KIAA1671: variants seen among roughly 807,000 people sequenced by gnomAD.
KIAA1671 encodes uncharacterized protein KIAA1671.
A neutral mutation model predicts 131.2 loss-of-function variants in KIAA1671; 52 were observed. The observed-to-expected ratio is 0.40, with a 90% confidence interval of 0.32 to 0.50. The LOEUF (loss-of-function observed/expected upper bound fraction) is 0.50, where lower values mean the gene tolerates loss of function less well. Among genes scored for constraint, KIAA1671 ranks in the 20% least tolerant of loss-of-function variants. The probability of loss-of-function intolerance (pLI) is 0.73; values close to 1 mark genes in which losing one functional copy is unlikely to be tolerated. For missense variants in KIAA1671, 2,360 were observed against 2,364.2 expected (o/e 1.00, Z 0.04); for synonymous variants, 1,003 against 961.6 (o/e 1.04, Z -0.80).
chr22:24,954,524 C>T (rs1921587491), intron 1 of KIAA1671, among the ~76,000 whole-genome samples: 1 of 152,210 alleles, frequency 6.6e-6, no homozygotes, highest in African/African-American at 2.4e-5. Flanking sequence ...GGCACATGAA[C>T]TGGCTGGCTC....
At chr22:25,042,530 G>C (rs1332169237) in intron 5 of KIAA1671, among the ~76,000 whole-genome samples, 4 of 138,408 alleles carry the variant, frequency 2.9e-5, no homozygotes, top group Non-Finnish European at 6.1e-5. Flanking sequence ...ACAATGGTGT[G>C]ATCTTGGCTC....
chr22:24,996,948 C>T (rs1924171782), intron 1 of KIAA1671, among the ~76,000 whole-genome samples: 1 of 152,276 alleles, frequency 6.6e-6, no homozygotes, highest in East Asian at 1.9e-4. Flanking sequence ...CCTTAATTGG[C>T]TGTGTGACCT....
intron 1 of KIAA1671, among the ~76,000 whole-genome samples, chr22:24,988,954 G>A (rs1372938693): frequency 6.6e-6 from 1 of 152,156 alleles, no homozygotes; most frequent in Non-Finnish European, 1.5e-5. Flanking sequence ...CCAAGGTCAT[G>A]CAACTAGTGA....
At chr22:25,140,865 G>C (rs961406859) in intron 6 of KIAA1671, among the ~76,000 whole-genome samples, 2 of 152,232 alleles carry the variant, frequency 1.3e-5, no homozygotes, top group African/African-American at 4.8e-5. Context: ...CTGTCATCAT[G>C]AATGGTTATT....
chr22:25,107,165 G>A lies in KIAA1671; in HGVS notation c.4530+57801G>A, dbSNP rs894621590. ...TGATTCCAGCACTTTGGGAGGCGGA[G>A]GGGGGCAGATCACGAGATCAGGAGA... On this transcript the variant is annotated intron_variant, in intron 6 of 12. Transcript: ENST00000358431. 3.3e-5 allele frequency among the ~76,000 whole-genome samples: 5 copies of A among 152,124 alleles called. No individual in the cohort carries two copies. In the South Asian group the frequency reaches 1.0e-3, roughly 32 times the overall value.
chr22:25,105,817 G>GTT (rs1555879095), intron 6 of KIAA1671, among the ~76,000 whole-genome samples: 4 of 48,606 alleles, frequency 8.2e-5, no homozygotes, highest in Non-Finnish European at 2.0e-4. Context: ...CAGGTATGAA[G>GTT]TTGGGGGGGG....
Position 25,174,423 on chromosome 22 carries a change from G to C in KIAA1671, c.4833G>C (p.Gly1611=). ...GCACTGACCTGGAATCCACCGATGG[G>C]ATGGAGGGGCCGCCTCCACCGGACG... The part of the protein sequence containing the change: ...HSSTDLESTD[G]MEGPPPPDAC... The change falls in exon 8 of 13, where the codon GGG becomes GGC. Residue 1611 remains glycine (G), a synonymous_variant. Transcript: ENST00000358431. 1 of 1,549,542 alleles carries C rather than the reference G, an allele frequency of 6.5e-7. No individual in the cohort carries two copies. Among genetic ancestry groups the C allele is most frequent in the Admixed American group, 2.0e-5 (1 of 50,928 alleles).
chr22:25,022,831 C>T lies in KIAA1671; in HGVS notation c.-207-2802C>T, dbSNP rs765853796. Reference sequence around the variant, plus strand: ...CATACATATGAAACTAGAGGTGGCTCAGACTTGGTTTCCCTTCTTTCTCTG... The same window carrying T: ...CATACATATGAAACTAGAGGTGGCTTAGACTTGGTTTCCCTTCTTTCTCTG... On this transcript the variant is annotated intron_variant, in intron 1 of 12. Coordinates refer to ENST00000358431, the MANE Select transcript of KIAA1671 (RefSeq NM_001145206.2). 790 of 152,552 alleles carry T rather than the reference C, an allele frequency of 5.2e-3. 1 individual carries two copies. Among genetic ancestry groups the T allele is most frequent in the Non-Finnish European group, 8.5e-3 (583 of 68,224 alleles). 9.4% of individuals were successfully genotyped at this position (152,552 alleles called of 1,614,324 possible).
intron 6 of KIAA1671, among the ~76,000 whole-genome samples, chr22:25,101,922 T>G (rs1930701265): frequency 6.6e-6 from 1 of 152,160 alleles, no homozygotes; most frequent in South Asian, 2.1e-4. Flanking sequence ...AGGGGTTACA[T>G]AGGCAGAGTG....
At chr22:25,020,986 G>A (rs769084405) in intron 1 of KIAA1671, among the ~76,000 whole-genome samples, 10 of 152,302 alleles carry the variant, frequency 6.6e-5, no homozygotes, top group East Asian at 1.9e-4. Flanking sequence ...GCGCTTGCAC[G>A]TTGGAGACAC....
At chr22:25,157,170 A>G (rs1009116671) in intron 6 of KIAA1671, among the ~76,000 whole-genome samples, 2 of 152,224 alleles carry the variant, frequency 1.3e-5, no homozygotes, top group African/African-American at 2.4e-5. Flanking sequence ...TACATTTTCA[A>G]AATGTACTTT....
intron 6 of KIAA1671, among the ~76,000 whole-genome samples, chr22:25,100,173 C>G (rs1930591682): frequency 6.6e-6 from 1 of 152,172 alleles, no homozygotes; most frequent in Non-Finnish European, 1.5e-5. Context: ...CAGAGCCTGG[C>G]TCTTCCTCTC....
At chr22:25,171,657 G>A (rs539443186) in intron 7 of KIAA1671, among the ~76,000 whole-genome samples, 49 of 151,952 alleles carry the variant, frequency 3.2e-4, no homozygotes, top group Non-Finnish European at 6.3e-4. Flanking sequence ...GGAGGCTGCA[G>A]TAAGCCAAGA....
In KIAA1671 at chr22:25,029,277, G is replaced by T; in HGVS notation, c.1278G>T (p.Ala426=). Residue 426 remains alanine, a synonymous_variant, in exon 3 of 13, where the codon GCG becomes GCT. Coordinates refer to ENST00000358431, the MANE Select transcript of KIAA1671 (RefSeq NM_001145206.2). The stretch of plus-strand genomic sequence containing the variant: ...GCAGAGTGGCGGATGGGGAGGCCGC[G>T]GCAGGGGGAGAGTGGGCCTCCAGGA... ...VKSRVADGEA[A]AGGEWASRRS... 1.3e-6 allele frequency: 2 copies of T among 1,508,344 alleles called. No individual in the cohort carries two copies. The highest frequency in any genetic ancestry group is 1.8e-6 in the Non-Finnish European group (2 of 1,123,056). 93.4% of individuals were successfully genotyped at this position (1,508,344 alleles called of 1,614,324 possible).
At chr22:25,027,727 C>T (rs1926027467) in intron 2 of KIAA1671, among the ~76,000 whole-genome samples, 2 of 152,170 alleles carry the variant, frequency 1.3e-5, no homozygotes, top group Non-Finnish European at 2.9e-5. Flanking sequence ...ACCCTTGGAG[C>T]TGGAACGAAC....
At chr22:25,067,176 C>T (rs1047755165) in intron 6 of KIAA1671, among the ~76,000 whole-genome samples, 1 of 152,100 alleles carries the variant, frequency 6.6e-6, no homozygotes, top group Non-Finnish European at 1.5e-5. Flanking sequence ...TGGGGGTCTC[C>T]ATTGTTGGCA....
chr22:25,117,955 A>C (rs918192844), intron 6 of KIAA1671, among the ~76,000 whole-genome samples: 14 of 151,922 alleles, frequency 9.2e-5, no homozygotes, highest in African/African-American at 3.4e-4. Context: ...CTTGACCAAC[A>C]TGGAGAAACC....
chr22:25,079,007 A>G (rs759341566), intron 6 of KIAA1671, among the ~76,000 whole-genome samples: 1 of 152,172 alleles, frequency 6.6e-6, no homozygotes, highest in Non-Finnish European at 1.5e-5. Context: ...TCTATAGAGT[A>G]GAAATATTGA....
At chr22:24,988,719 G>C (rs1044846881) in intron 1 of KIAA1671, among the ~76,000 whole-genome samples, 2 of 134,646 alleles carry the variant, frequency 1.5e-5, no homozygotes, top group Admixed American at 7.9e-5. Context: ...CTGGGTGAAA[G>C]AGCGAGACTC....
Sources: allele counts gnomAD v4.1 joint callset (sites outside exome capture counted in the v4.1 genomes callset), GRCh38; gene constraint gnomAD v4.1.1; transcripts MANE v1.5; gene names NCBI Gene and HGNC (gene_info 2026-07-23, HGNC 2026-07-21).